Variants in ROCK1 observed in about 807,000 individuals in gnomAD.
The protein encoded by ROCK1 is rho-associated protein kinase 1.
A neutral mutation model predicts 196.8 loss-of-function variants in ROCK1; 36 were observed. That is an observed-to-expected ratio of 0.18 (90% CI 0.14 to 0.24). The LOEUF is 0.24. Among genes scored for constraint, ROCK1 ranks in the 10% least tolerant of loss-of-function variants. ROCK1 has a pLI of 1.00. For missense variants in ROCK1, 920 were observed against 1,562.0 expected (o/e 0.59, Z 6.93); for synonymous variants, 443 against 515.9 (o/e 0.86, Z 1.91).
At chr18:20,983,698 G>A (rs1337183796) in intron 20 of ROCK1, among the ~76,000 whole-genome samples, 1 of 152,036 alleles carries the variant, frequency 6.6e-6, no homozygotes, top group Non-Finnish European at 1.5e-5. Context: ...TTGCGAAAAC[G>A]GTGGCCCTAA....
rs1227662708 is a variant in ROCK1 at position 21,070,518 on chromosome 18, A to C, written c.175+14T>G. ...TATGAAGTCTGTCATTAACCTCCAC[A>C]AAAAATTACTTACATCTGCTTAAAA... On this transcript the variant is annotated intron_variant, in intron 2 of 32. Transcript: ENST00000399799. The C allele has an allele frequency of 1.3e-6, 2 of 1,489,648 alleles. No homozygotes were observed. Among genetic ancestry groups the C allele is most frequent in the Non-Finnish European group, 1.9e-6 (2 of 1,075,972 alleles). The allele number at this position is 1,489,648 out of a possible 1,614,324, so 92.3% of individuals were successfully genotyped here.
At chr18:20,959,100 ATATT>A (rs1276219283) in intron 29 of ROCK1, among the ~76,000 whole-genome samples, 1 of 17,170 alleles carries the variant, frequency 5.8e-5, no homozygotes, top group Non-Finnish European at 8.5e-5. Flanking sequence ...TATAATATAT[ATATT>A]ATATATATAT....
chr18:20,976,623 T>C (rs894428599), intron 22 of ROCK1, among the ~76,000 whole-genome samples: 18 of 152,322 alleles, frequency 1.2e-4, no homozygotes, highest in Admixed American at 3.9e-4. Context: ...TATGGCATCA[T>C]AGGCTCATGA....
chr18:21,076,230 T>C (rs1291942165), intron 1 of ROCK1, among the ~76,000 whole-genome samples: 1 of 152,154 alleles, frequency 6.6e-6, no homozygotes, highest in Non-Finnish European at 1.5e-5. Flanking sequence ...TTAAATGGGC[T>C]AGGTGGCTCA....
chr18:21,020,232 C>T lies in ROCK1; in HGVS notation c.1280G>A (p.Ser427Asn), dbSNP rs1421493295. 1.3e-6 allele frequency: 2 copies of T among 1,568,288 alleles called. No homozygotes were observed. Among genetic ancestry groups the T allele is most frequent in the Non-Finnish European group, 1.7e-6 (2 of 1,160,820 alleles). ...CAGCTTATAGATTGTTTTTTGCAAA[C>T]TTTCCTGCTTTAATTTAAAACAAAA... Reference protein sequence around the residue: ...SSNADKSLQESLQKTIYKLEE... With the variant: ...SSNADKSLQENLQKTIYKLEE... The change falls in exon 12 of 33, where the codon AGT (serine) becomes AAT (asparagine). Residue 427 changes from serine (S) to asparagine (N), a missense_variant. By Grantham distance (46) the Ser-to-Asn change is conservative. Coordinates refer to ENST00000399799, the MANE Select transcript of ROCK1 (RefSeq NM_005406.3).
intron 13 of ROCK1, 121 bp from the exon 14 acceptor site, chr18:21,008,315 T>C: frequency 1.4e-6 from 1 of 706,996 alleles, no homozygotes; most frequent in Non-Finnish European, 2.2e-6. Flanking sequence ...TTAAGATGAA[T>C]GTTCTGTTTC....
chr18:21,079,677 T>A (rs2036466164), intron 1 of ROCK1, among the ~76,000 whole-genome samples: 1 of 152,088 alleles, frequency 6.6e-6, no homozygotes, highest in Admixed American at 6.6e-5. Flanking sequence ...GGAGCCCGCT[T>A]TAGCTCTGGG....
At chr18:20,989,300 T>C (rs1195725482) in intron 18 of ROCK1, among the ~76,000 whole-genome samples, 2 of 152,238 alleles carry the variant, frequency 1.3e-5, no homozygotes, top group African/African-American at 2.4e-5. Context: ...AACATTGATC[T>C]GTCTGATTCC....
intron 24 of ROCK1, 82 bp from the exon 25 acceptor site, chr18:20,968,942 C>A: frequency 9.9e-7 from 1 of 1,014,364 alleles, no homozygotes. Context: ...TTTAATTATT[C>A]AAATAAGTAT....
rs116383234 is a variant in ROCK1, at chr18:21,082,009, G to A, written c.94-11396C>T. ...CTCTGTTGCCCAGGGTGAAGTGTAG[G>A]GGCACAGTCTCAGTTCACTGCAACC... On this transcript the variant is annotated intron_variant, in intron 1 of 32. Coordinates refer to ENST00000399799, the MANE Select transcript of ROCK1 (RefSeq NM_005406.3). Among the ~76,000 whole-genome samples, 636 of 152,130 alleles carry A rather than the reference G, an allele frequency of 4.2e-3. 11 individuals are homozygous for A. The highest frequency in any genetic ancestry group is 0.014 in the African/African-American group (595 of 41,502).
Position 20,966,905 on chromosome 18 carries a change from A to T in ROCK1, c.3352+12T>A. 1 of 1,596,850 alleles carries T rather than the reference A, an allele frequency of 6.3e-7. No homozygotes were observed. Among genetic ancestry groups the T allele is most frequent in the South Asian group, 1.1e-5 (1 of 89,798 alleles). On this transcript the variant is annotated intron_variant, in intron 27 of 32. Transcript: ENST00000399799. ...ATTTATACATGTTTGAATGATACAG[A>T]ATTATTCTTACCTGGGAGGTTACCA...
chr18:20,959,802 C>T, intron 29 of ROCK1, 38 bp downstream of exon 29: 2 of 1,079,096 alleles, frequency 1.9e-6, no homozygotes, highest in Non-Finnish European at 2.7e-6. Flanking sequence ...CAAAAGTTAG[C>T]TCTCAACCCC....
intron 1 of ROCK1, among the ~76,000 whole-genome samples, chr18:21,100,900 C>G (rs1357544390): frequency 6.6e-6 from 1 of 152,162 alleles, no homozygotes; most frequent in African/African-American, 2.4e-5. Flanking sequence ...TTGAGGCGAT[C>G]GCAACTCCCT....
chr18:21,067,160 T>C (rs1472774110), intron 2 of ROCK1, among the ~76,000 whole-genome samples: 2 of 152,224 alleles, frequency 1.3e-5, no homozygotes, highest in Non-Finnish European at 2.9e-5. Context: ...AATTTGCAAC[T>C]TCCTAATGAC....
rs998146844 is a variant in ROCK1, at chr18:21,049,337, C to T, written c.277-108G>A. 3.6e-6 allele frequency: 3 copies of T among 826,480 alleles called. No individual in the cohort carries two copies. In the African/African-American group the frequency reaches 5.3e-5, roughly 15 times the overall value. 51.2% of individuals were successfully genotyped at this position (826,480 alleles called of 1,614,324 possible). On this transcript the variant is annotated intron_variant, in intron 3 of 32. Transcript: ENST00000399799. Reference sequence around the variant, plus strand: ...TTTAATACTTGCTAAATAATTTAGCCTTACTGTTTCAGTTATTTTTATTTC... The same window carrying T: ...TTTAATACTTGCTAAATAATTTAGCTTTACTGTTTCAGTTATTTTTATTTC...
chr18:21,100,970 T>C (rs2036654583), intron 1 of ROCK1, among the ~76,000 whole-genome samples: 1 of 152,180 alleles, frequency 6.6e-6, no homozygotes, highest in Non-Finnish European at 1.5e-5. Context: ...TTAAATATTA[T>C]CTATACCTTT....
intron 2 of ROCK1, among the ~76,000 whole-genome samples, chr18:21,060,509 A>G (rs1266086500): frequency 2.6e-5 from 4 of 152,162 alleles, no homozygotes; most frequent in African/African-American, 4.8e-5. Flanking sequence ...TAGCAATGCT[A>G]CATCTGTGTA....
At chr18:21,002,993 G>A (rs2035739034) in intron 16 of ROCK1, among the ~76,000 whole-genome samples, 1 of 152,074 alleles carries the variant, frequency 6.6e-6, no homozygotes, top group African/African-American at 2.4e-5. Flanking sequence ...ACCCACCTCA[G>A]CCTCCCAAAG....
At chr18:21,088,395 G>A (rs1252283086) in intron 1 of ROCK1, among the ~76,000 whole-genome samples, 1 of 152,168 alleles carries the variant, frequency 6.6e-6, no homozygotes, top group Non-Finnish European at 1.5e-5. Context: ...ACTCAGGAGA[G>A]GCTGAGGCAG....
Sources: allele counts gnomAD v4.1 joint callset (sites outside exome capture counted in the v4.1 genomes callset), GRCh38; gene constraint gnomAD v4.1.1; transcripts MANE v1.5; gene names NCBI Gene and HGNC (gene_info 2026-07-23, HGNC 2026-07-21).